The following ASMTL variants were observed in gnomAD, a reference collection of about 807,000 sequenced individuals.
The protein encoded by ASMTL is acetylserotonin O-methyltransferase like.
Under a neutral mutation model 60.3 loss-of-function variants are expected in ASMTL, and 57 were observed. The observed-to-expected ratio is 0.95, with a 90% CI of 0.76 to 1.18. The LOEUF is 1.18. ASMTL is among the 50% of genes most tolerant of loss of function. The pLI is 0.00. For missense variants in ASMTL, 981 were observed against 852.6 expected (o/e 1.15, Z -1.88); for synonymous variants, 419 against 373.0 (o/e 1.12, Z -1.42).
chrX:1,433,024 G>A lies in ASMTL; in HGVS notation c.401-647C>T, dbSNP rs374894520. On this transcript the variant is annotated intron_variant, in intron 5 of 12. Transcript: ENST00000381317. Reference sequence around the variant, plus strand: ...GAGGCAGGAGAATCGCTTGAACCCGGGAGGCGGAGGTTGCAGTGAGCCAAG... The same window carrying A: ...GAGGCAGGAGAATCGCTTGAACCCGAGAGGCGGAGGTTGCAGTGAGCCAAG... Among the ~76,000 whole-genome samples the A allele has an allele frequency of 2.6e-5, 4 of 152,250 alleles. No homozygotes were observed. In the East Asian group the frequency reaches 5.8e-4, roughly 22 times the overall value.
intron 2 of ASMTL, among the ~76,000 whole-genome samples, chrX:1,440,087 TTC>T (rs1431131908): frequency 2.0e-5 from 3 of 149,016 alleles, no homozygotes; most frequent in African/African-American, 5.0e-5. Context: ...ATTTCTTTCT[TTC>T]TTTTTTTTTT....
At chrX:1,405,263 C>T (rs1231676159) in intron 12 of ASMTL, among the ~76,000 whole-genome samples, 9 of 124,186 alleles carry the variant, frequency 7.2e-5, no homozygotes, top group South Asian at 2.7e-4. Flanking sequence ...ATGATGGGTA[C>T]GTAGATAGAT....
At chrX:1,412,463 G>A (rs1171516967) in intron 12 of ASMTL, among the ~76,000 whole-genome samples, 1 of 152,022 alleles carries the variant, frequency 6.6e-6, no homozygotes, top group African/African-American at 2.4e-5. Context: ...GCTCACCCCG[G>A]GTGATCCACC....
chrX:1,452,042 C>T (rs371830307), intron 1 of ASMTL, among the ~76,000 whole-genome samples: 154 of 140,276 alleles, frequency 1.1e-3, no homozygotes, highest in African/African-American at 4.1e-3. Flanking sequence ...CCTAAGGTGT[C>T]CCGGGTTTCT....
chrX:1,452,716 G>C, intron 1 of ASMTL, 32 bp downstream of exon 1: 2 of 1,537,492 alleles, frequency 1.3e-6, no homozygotes. Context: ...CTCCGTCCCC[G>C]GTCCCCTGCC....
At chrX:1,432,981 C>G (rs758093458) in intron 5 of ASMTL, among the ~76,000 whole-genome samples, 589 of 152,266 alleles carry the variant, frequency 3.9e-3, no homozygotes, top group Non-Finnish European at 6.8e-3. Context: ...ACCTGTCATC[C>G]CAGCTACTCG....
intron 8 of ASMTL, 184 bp downstream of exon 8, chrX:1,425,341 C>T: frequency 4.0e-6 from 1 of 248,946 alleles, no homozygotes; most frequent in Non-Finnish European, 6.4e-6. Context: ...CTCGCGGCTG[C>T]CACTGTTCCC....
chrX:1,416,642 T>A lies in ASMTL; in HGVS notation c.1522+1331A>T, dbSNP rs183641377. Among the ~76,000 whole-genome samples the A allele has an allele frequency of 9.7e-3, 1,456 of 150,366 alleles. 25 individuals carry two copies. The highest frequency in any genetic ancestry group is 0.034 in the African/African-American group (1,375 of 40,860). On this transcript the variant is annotated intron_variant, in intron 11 of 12. Transcript: ENST00000381317. ...AGAAACACACATACCCTCACACATA[T>A]GCAAGCACACACCACAGAGAGTTGC...
At chrX:1,416,731 CCA>C (rs1208164011) in intron 11 of ASMTL, among the ~76,000 whole-genome samples, 7 of 16,522 alleles carry the variant, frequency 4.2e-4, no homozygotes, top group African/African-American at 4.1e-4. Flanking sequence ...CAAGGACATA[CCA>C]CACACAGTCA....
At chrX:1,407,481 G>A (rs1233525920) in intron 12 of ASMTL, among the ~76,000 whole-genome samples, 1 of 151,608 alleles carries the variant, frequency 6.6e-6, no homozygotes, top group African/African-American at 2.4e-5. Context: ...ATGGATAGAT[G>A]GATGCATGGA....
At chrX:1,440,211 C>T (rs1435712661) in intron 2 of ASMTL, among the ~76,000 whole-genome samples, 3 of 152,142 alleles carry the variant, frequency 2.0e-5, no homozygotes, top group East Asian at 1.9e-4. Context: ...CTCAGCCTCC[C>T]GAGTAGCTGG....
chrX:1,407,351 G>A, intron 12 of ASMTL, among the ~76,000 whole-genome samples: 1 of 151,426 alleles, frequency 6.6e-6, no homozygotes, highest in African/African-American at 2.4e-5. Context: ...GAGATGGATG[G>A]GTGTATTGAT....
chrX:1,432,655 CCG>C (rs1569533872), intron 5 of ASMTL, among the ~76,000 whole-genome samples: 1 of 152,008 alleles, frequency 6.6e-6, no homozygotes, highest in African/African-American at 2.4e-5. Flanking sequence ...CGGTGAAACC[CCG>C]TCTCTACTAA....
At chrX:1,449,781 A>ACCCCCCATCACCAGTAACTATC (rs1569535116) in intron 1 of ASMTL, among the ~76,000 whole-genome samples, 4 of 135,994 alleles carry the variant, frequency 2.9e-5, no homozygotes, top group African/African-American at 1.3e-4. Context: ...ACCAGTAACT[A>ACCCCCCATCACCAGTAACTATC]TCCCCCCATC....
chrX:1,412,058 C>T (rs1423953071), intron 12 of ASMTL, among the ~76,000 whole-genome samples: 10 of 151,804 alleles, frequency 6.6e-5, no homozygotes, highest in Non-Finnish European at 1.0e-4. Flanking sequence ...CTCAGGTGAT[C>T]CGCCCGCCTC....
chrX:1,427,002 A>AAAACAAAAAC (rs770616154), intron 7 of ASMTL, among the ~76,000 whole-genome samples: 15 of 148,956 alleles, frequency 1.0e-4, no homozygotes, highest in Admixed American at 1.3e-4. Context: ...AACAAAAACA[A>AAAACAAAAAC]AAAAAAGAGA....
chrX:1,439,985 C>T (rs1366586249), intron 2 of ASMTL, among the ~76,000 whole-genome samples: 7 of 152,222 alleles, frequency 4.6e-5, no homozygotes, highest in South Asian at 2.1e-4. Context: ...AGCTCAGCCC[C>T]GCACTGGCCT....
chrX:1,414,912 A>C (rs1428452264), intron 11 of ASMTL, among the ~76,000 whole-genome samples: 4 of 150,938 alleles, frequency 2.7e-5, no homozygotes, highest in African/African-American at 7.3e-5. Flanking sequence ...GATGGTGCTG[A>C]GTTACAGCAC....
chrX:1,405,870 G>C (rs1237568198), intron 12 of ASMTL, among the ~76,000 whole-genome samples: 3 of 151,626 alleles, frequency 2.0e-5, no homozygotes, highest in Non-Finnish European at 4.4e-5. Context: ...TGGATAGATG[G>C]ATGCATGGAT....
Sources: gnomAD v4.1 joint callset for allele counts (sites outside exome capture counted in the v4.1 genomes callset) on GRCh38, gnomAD v4.1.1 for gene constraint, MANE v1.5 for transcripts, NCBI Gene and HGNC (gene_info 2026-07-23, HGNC 2026-07-21) for gene names.